Variants in PLD1 observed in about 807,000 individuals in gnomAD.
The protein encoded by PLD1 is choline phosphatase 1.
In PLD1, 112 loss-of-function variants were observed where a neutral mutation model predicts 137.1. The observed-to-expected ratio is 0.82, with a 90% CI of 0.70 to 0.96. The LOEUF is 0.96. PLD1 is among the 40% of genes least tolerant of loss of function. The pLI, the probability that PLD1 is intolerant of heterozygous loss-of-function variation, is 0.00. For missense variants in PLD1, 1,321 were observed against 1,342.0 expected (o/e 0.98, Z 0.24); for synonymous variants, 431 against 454.7 (o/e 0.95, Z 0.66).
In PLD1 at chr3:171,639,848, C is replaced by CTCTCTATATA. The variant is rs3050415; in HGVS notation, c.2593+2991_2593+2992insTATATAGAGA. 3.8e-3 allele frequency among the ~76,000 whole-genome samples: 417 copies of CTCTCTATATA among 110,156 alleles called. 3 individuals carry two copies. Among genetic ancestry groups the CTCTCTATATA allele is most frequent in the African/African-American group, 0.012 (304 of 25,458 alleles). 72.3% of individuals were successfully genotyped at this position (110,156 alleles called of 152,430 possible). A position where few individuals can be genotyped will look rare whatever the true frequency, so the allele number is the denominator to read the frequency against. Reference sequence around the variant, plus strand: ...TCTCTCTCTCTCTCTCTCTCTCTCTCTATATATATATATATATCTCCTATT... The same window carrying CTCTCTATATA: ...TCTCTCTCTCTCTCTCTCTCTCTCTCTCTCTATATATATATATATATATATATCTCCTATT... On this transcript the variant is annotated intron_variant, in intron 23 of 26. Transcript: ENST00000351298.
intron 26 of PLD1, 146 bp from the exon 27 acceptor site, chr3:171,603,448 AG>A (rs1731972077): frequency 3.2e-6 from 2 of 624,402 alleles, no homozygotes; most frequent in Admixed American, 5.7e-5. Flanking sequence ...CTGATTTAAG[AG>A]TTGGTTATCT....
chr3:171,614,676 A>C (rs1457411948), intron 24 of PLD1, among the ~76,000 whole-genome samples: 1 of 152,220 alleles, frequency 6.6e-6, no homozygotes, highest in Non-Finnish European at 1.5e-5. Context: ...CAAAGATTGA[A>C]GATCCCATAT....
At chr3:171,628,703 C>T (rs1734365192) in intron 23 of PLD1, among the ~76,000 whole-genome samples, 1 of 150,494 alleles carries the variant, frequency 6.6e-6, no homozygotes, top group Non-Finnish European at 1.5e-5. Flanking sequence ...AAGGCTGGTT[C>T]AATATACGCA....
intron 12 of PLD1, among the ~76,000 whole-genome samples, chr3:171,695,073 C>G (rs1196772333): frequency 1.3e-5 from 2 of 152,186 alleles, no homozygotes; most frequent in African/African-American, 2.4e-5. Context: ...ATGCATTCTT[C>G]TTCTTTTGGT....
chr3:171,759,704 C>A (rs147121138), intron 1 of PLD1, among the ~76,000 whole-genome samples: 10 of 152,132 alleles, frequency 6.6e-5, no homozygotes, highest in African/African-American at 1.7e-4. Flanking sequence ...ATACACATAC[C>A]GTTTTGTTTC....
intron 19 of PLD1, among the ~76,000 whole-genome samples, chr3:171,668,452 T>G (rs1047719031): frequency 1.3e-5 from 2 of 152,236 alleles, no homozygotes; most frequent in African/African-American, 4.8e-5. Flanking sequence ...GGAATATCCT[T>G]TGGACATTTA....
intron 1 of PLD1, among the ~76,000 whole-genome samples, chr3:171,804,790 TCATCTC>T (rs1003862787): frequency 6.6e-6 from 1 of 152,218 alleles, no homozygotes; most frequent in Non-Finnish European, 1.5e-5. Context: ...AAAGGAAAGA[TCATCTC>T]CAACTGCTTA....
chr3:171,752,446 C>T (rs923094984), intron 1 of PLD1, among the ~76,000 whole-genome samples: 4 of 152,208 alleles, frequency 2.6e-5, no homozygotes, highest in Non-Finnish European at 5.9e-5. Flanking sequence ...ATTTGCAGCT[C>T]TTTCCCTCTT....
chr3:171,683,198 C>T (rs769505442), intron 16 of PLD1, among the ~76,000 whole-genome samples: 1 of 152,172 alleles, frequency 6.6e-6, no homozygotes, highest in Non-Finnish European at 1.5e-5. Flanking sequence ...TCTAGTTCAT[C>T]GGCAAATGCT....
chr3:171,659,046 A>T (rs1054017116), intron 21 of PLD1, among the ~76,000 whole-genome samples, 167 bp downstream of exon 21: 1 of 152,234 alleles, frequency 6.6e-6, no homozygotes, highest in Non-Finnish European at 1.5e-5. Flanking sequence ...GGCAGTCAAA[A>T]ATCTTTAGCA....
chr3:171,663,648 C>T (rs956568644), intron 19 of PLD1, among the ~76,000 whole-genome samples: 10 of 152,214 alleles, frequency 6.6e-5, no homozygotes, highest in African/African-American at 2.4e-4. Flanking sequence ...TCTCAACACT[C>T]AGCAACCATT....
chr3:171,609,175 A>C (rs1732442033), intron 25 of PLD1, among the ~76,000 whole-genome samples: 1 of 152,184 alleles, frequency 6.6e-6, no homozygotes, highest in South Asian at 2.1e-4. Flanking sequence ...ATGCAAATTA[A>C]AACCACACAA....
intron 1 of PLD1, among the ~76,000 whole-genome samples, chr3:171,764,875 G>A (rs1472204013): frequency 3.3e-5 from 1 of 30,202 alleles, no homozygotes; most frequent in African/African-American, 1.4e-4. Context: ...AAGAAAGAAA[G>A]AAAGAAAGAA....
Position 171,647,382 on chromosome 3 carries a change from T to G in PLD1, c.2430-2359A>C, listed in dbSNP as rs998520731. Among the ~76,000 whole-genome samples the G allele has an allele frequency of 3.9e-5, 6 of 152,306 alleles. No homozygotes were observed. The East Asian group carries it at 1.2e-3, about 29-fold the overall frequency. ...TTTTTTCTTTAAATAAAATTATATT[T>G]TATGTCTTTAAATTAAATTACATTT... On this transcript the variant is annotated intron_variant, in intron 21 of 26. Transcript: ENST00000351298.
intron 13 of PLD1, 57 bp from the exon 14 acceptor site, chr3:171,688,933 A>G (rs944448394): frequency 3.1e-6 from 4 of 1,305,276 alleles, no homozygotes; most frequent in Non-Finnish European, 4.4e-6. Context: ...TTCCTGTCAT[A>G]ATGAAATAGG....
intron 24 of PLD1, among the ~76,000 whole-genome samples, chr3:171,619,094 A>G (rs1733369453): frequency 6.6e-6 from 1 of 152,222 alleles, no homozygotes. Flanking sequence ...GTATCTTATT[A>G]TAGCTGATAA....
intron 23 of PLD1, among the ~76,000 whole-genome samples, chr3:171,620,777 A>T (rs1194444813): frequency 7.7e-4 from 98 of 127,002 alleles, no homozygotes; most frequent in Middle Eastern, 4.0e-3. Context: ...TATTATATAT[A>T]TTTTTTTTTT....
Position 171,690,217 on chromosome 3 carries a change from C to A in PLD1, c.1339-1341G>T, listed in dbSNP as rs576738974. Among the ~76,000 whole-genome samples, 30 of 152,148 alleles carry A rather than the reference C, an allele frequency of 2.0e-4. No homozygotes were observed. The South Asian group carries it at 4.6e-3, about 23-fold the overall frequency. ...TGTAGAATTGGTAGTAATGTCTCTA[C>A]TTTCATTTCTGATTTTAGTAACTTG... On this transcript the variant is annotated intron_variant, in intron 13 of 26. Transcript: ENST00000351298.
intron 1 of PLD1, among the ~76,000 whole-genome samples, chr3:171,801,654 C>T (rs916965537): frequency 2.6e-5 from 4 of 152,214 alleles, no homozygotes; most frequent in Non-Finnish European, 4.4e-5. Context: ...GTCTTGAACT[C>T]CTGTCCTCAA....
Sources: gnomAD v4.1 joint callset for allele counts (sites outside exome capture counted in the v4.1 genomes callset) on GRCh38, gnomAD v4.1.1 for gene constraint, MANE v1.5 for transcripts, NCBI Gene and HGNC (gene_info 2026-07-23, HGNC 2026-07-21) for gene names.